The following UXS1 variants were observed in gnomAD, a reference collection of about 807,000 sequenced individuals.
The protein encoded by UXS1 is UDP-glucuronic acid decarboxylase 1.
Under a neutral mutation model 62.6 loss-of-function variants are expected in UXS1, and 33 were observed. The ratio of observed to expected loss-of-function variants is 0.53; its 90% CI spans 0.40 to 0.70. The LOEUF is 0.70. Ranked by LOEUF, UXS1 falls within the 30% of genes least tolerant of loss-of-function variation. The pLI, the probability that UXS1 is intolerant of heterozygous loss-of-function variation, is 0.00. For missense variants in UXS1, 434 were observed against 556.3 expected, an observed-to-expected ratio of 0.78 and a Z score of 2.21; for synonymous variants, 213 against 206.8, an observed-to-expected ratio of 1.03 and a Z score of -0.26.
At chr2:106,183,195 A>G (rs1469309881) in intron 1 of UXS1, among the ~76,000 whole-genome samples, 3 of 150,968 alleles carry the variant, frequency 2.0e-5, no homozygotes, top group East Asian at 2.0e-4. Context: ...TACACCACCA[A>G]TGTTCTGTTG....
chr2:106,190,669 A>G (rs6744039), intron 1 of UXS1, among the ~76,000 whole-genome samples: 147,784 of 150,806 alleles, frequency 0.98, 72,467 homozygotes, highest in South Asian at 1. Flanking sequence ...CTTGAACCCA[A>G]GAGGCCAAGG....
At chr2:106,191,331 G>C (rs1684921140) in intron 1 of UXS1, among the ~76,000 whole-genome samples, 1 of 152,214 alleles carries the variant, frequency 6.6e-6, no homozygotes, top group Non-Finnish European at 1.5e-5. Flanking sequence ...ACAGTGGTGA[G>C]ATTTTACTTG....
chr2:106,162,749 T>C (rs967745600), intron 4 of UXS1, among the ~76,000 whole-genome samples: 2 of 152,232 alleles, frequency 1.3e-5, no homozygotes, highest in African/African-American at 4.8e-5. Context: ...GTGCTGAAAT[T>C]AACAGTTTGC....
At chr2:106,116,094 A>T (rs1407740132) in intron 9 of UXS1, among the ~76,000 whole-genome samples, 1 of 152,176 alleles carries the variant, frequency 6.6e-6, no homozygotes, top group African/African-American at 2.4e-5. Flanking sequence ...TGAGACGTGG[A>T]GCCAACTAAC....
intron 1 of UXS1, among the ~76,000 whole-genome samples, chr2:106,171,515 C>G (rs773157991): frequency 1.6e-4 from 24 of 152,082 alleles, no homozygotes; most frequent in Non-Finnish European, 3.2e-4. Flanking sequence ...AGACCCCGAA[C>G]AAATGAAAAA....
chr2:106,192,473 G>C (rs1441856867), intron 1 of UXS1, among the ~76,000 whole-genome samples: 2 of 150,896 alleles, frequency 1.3e-5, no homozygotes, highest in Admixed American at 6.6e-5. Flanking sequence ...AGAATGGCGT[G>C]AACCCGGGAG....
intron 5 of UXS1, among the ~76,000 whole-genome samples, chr2:106,147,070 GGTGGAGGTTACA>G (rs1348830961): frequency 6.6e-6 from 1 of 151,610 alleles, no homozygotes; most frequent in Non-Finnish European, 1.5e-5. Flanking sequence ...GAACCTAGGA[GGTGGAGGTTACA>G]GTGAGTTGAG....
At chr2:106,159,505 A>C (rs1467430015) in intron 4 of UXS1, 1 of 152,230 alleles carries the variant, frequency 6.6e-6, no homozygotes, top group Non-Finnish European at 1.5e-5. Context: ...GCCCACACTG[A>C]TGTCCCAGGA....
At chr2:106,097,173 C>G (rs546209783) in intron 13 of UXS1, 196 of 470,716 alleles carry the variant, frequency 4.2e-4, no homozygotes, top group Non-Finnish European at 6.2e-4. Context: ...GCCCACCGAG[C>G]ATGACCCCGG....
intron 4 of UXS1, chr2:106,160,157 G>C (rs1438008347): frequency 1.3e-5 from 2 of 152,246 alleles, no homozygotes; most frequent in Admixed American, 6.5e-5. Context: ...AACACTTCTT[G>C]TCATTCCGCC....
At chr2:106,117,947 G>A (rs1034949698) in intron 9 of UXS1, among the ~76,000 whole-genome samples, 23 of 152,368 alleles carry the variant, frequency 1.5e-4, no homozygotes, top group African/African-American at 5.3e-4. Flanking sequence ...GGTCCAGGAG[G>A]GGTGTGTCTG....
intron 7 of UXS1, among the ~76,000 whole-genome samples, chr2:106,128,916 C>CAAG (rs2104944883): frequency 6.6e-6 from 1 of 152,338 alleles, no homozygotes; most frequent in Admixed American, 6.5e-5. Context: ...TGTTCCTATA[C>CAAG]TTAAATCCAT....
At chr2:106,095,548 C>T (rs958866428) in intron 14 of UXS1, among the ~76,000 whole-genome samples, 1 of 152,234 alleles carries the variant, frequency 6.6e-6, no homozygotes, top group Non-Finnish European at 1.5e-5. Context: ...GCGTCCCTGA[C>T]TCTCTGACTG....
At chr2:106,174,130 C>T (rs548077444) in intron 1 of UXS1, among the ~76,000 whole-genome samples, 1 of 151,242 alleles carries the variant, frequency 6.6e-6, no homozygotes. Context: ...GCAGAGGCCC[C>T]TGGGGAGGGG....
intron 5 of UXS1, among the ~76,000 whole-genome samples, chr2:106,146,888 C>T (rs541027215): frequency 6.6e-6 from 1 of 151,734 alleles, no homozygotes; most frequent in Non-Finnish European, 1.5e-5. Context: ...GGTGCAGTGG[C>T]TCATGCCTGT....
At chr2:106,114,455 T>G (rs895541899) in intron 9 of UXS1, among the ~76,000 whole-genome samples, 2 of 152,208 alleles carry the variant, frequency 1.3e-5, no homozygotes, top group Non-Finnish European at 2.9e-5. Context: ...AGTACCCACT[T>G]GCATTTAATT....
chr2:106,151,346 T>C (rs947161914), intron 5 of UXS1, among the ~76,000 whole-genome samples: 2 of 152,212 alleles, frequency 1.3e-5, no homozygotes, highest in Non-Finnish European at 2.9e-5. Flanking sequence ...GGAAACTTAA[T>C]TCCCAATGCA....
At chr2:106,164,369 C>CGTAGATGCTCTTTACATTT (rs1553435003) in intron 3 of UXS1, among the ~76,000 whole-genome samples, 2 of 152,106 alleles carry the variant, frequency 1.3e-5, no homozygotes, top group Admixed American at 6.5e-5. Flanking sequence ...CATCTGTGCA[C>CGTAGATGCTCTTTACATTT]GTGGCCTAGC....
intron 2 of UXS1, among the ~76,000 whole-genome samples, chr2:106,165,523 AT>A (rs200642688): frequency 8.6e-5 from 13 of 151,446 alleles, no homozygotes; most frequent in Non-Finnish European, 1.6e-4. Flanking sequence ...TTTAAAGGCT[AT>A]TTTTTTTTAT....
Sources: allele counts gnomAD v4.1 joint callset (sites outside exome capture counted in the v4.1 genomes callset), GRCh38; gene constraint gnomAD v4.1.1; transcripts MANE v1.5; gene names NCBI Gene and HGNC (gene_info 2026-07-23, HGNC 2026-07-21).